Variants in CDKAL1 observed in about 807,000 individuals in gnomAD.
CDKAL1 encodes the protein threonylcarbamoyladenosine tRNA methylthiotransferase.
CDKAL1 carries 32 observed loss-of-function variants against 68.2 expected under a neutral mutation model. The ratio of observed to expected loss-of-function variants is 0.47; its 90% CI spans 0.35 to 0.63. The LOEUF is 0.63. Ranked by LOEUF, CDKAL1 falls within the 30% of genes least tolerant of loss-of-function variation. The probability of loss-of-function intolerance (pLI) is 0.00; values close to 1 mark genes in which losing one functional copy is unlikely to be tolerated. For synonymous variants in CDKAL1, 234 were observed against 244.3 expected, an observed-to-expected ratio of 0.96 and a Z score of 0.39; for missense variants, 606 against 696.7, an observed-to-expected ratio of 0.87 and a Z score of 1.47.
At chr6:20,960,314 G>A (rs1764992153) in intron 10 of CDKAL1, among the ~76,000 whole-genome samples, 1 of 152,116 alleles carries the variant, frequency 6.6e-6, no homozygotes, top group Admixed American at 6.5e-5. Context: ...AGAAGCCATG[G>A]GTTCGAAAGG....
At chr6:20,757,837 T>C (rs1774289573) in intron 6 of CDKAL1, among the ~76,000 whole-genome samples, 1 of 152,248 alleles carries the variant, frequency 6.6e-6, no homozygotes, top group Non-Finnish European at 1.5e-5. Context: ...CTTTGACTTA[T>C]TCTTTTTTTA....
At chr6:20,913,827 A>G (rs1181555452) in intron 9 of CDKAL1, among the ~76,000 whole-genome samples, 3 of 152,180 alleles carry the variant, frequency 2.0e-5, no homozygotes, top group Non-Finnish European at 2.9e-5. Context: ...AAAAATAATA[A>G]TAAATAAAAA....
At chr6:20,886,028 C>T (rs1018810577) in intron 9 of CDKAL1, among the ~76,000 whole-genome samples, 1 of 152,146 alleles carries the variant, frequency 6.6e-6, no homozygotes, top group African/African-American at 2.4e-5. Context: ...CAGAGCAAGA[C>T]GCCATCCCCG....
intron 11 of CDKAL1, among the ~76,000 whole-genome samples, chr6:21,023,727 A>G (rs1020622129): frequency 1.3e-5 from 2 of 152,150 alleles, no homozygotes; most frequent in Admixed American, 6.5e-5. Context: ...GTTTTCATTT[A>G]TCTTAGAACA....
At chr6:20,545,697 C>T (rs995168945) in intron 2 of CDKAL1, among the ~76,000 whole-genome samples, 2 of 152,126 alleles carry the variant, frequency 1.3e-5, no homozygotes, top group Non-Finnish European at 2.9e-5. Context: ...CCCCAAAGTG[C>T]TGGGATTACA....
At chr6:20,957,968 CAAA>C (rs60301451) in intron 10 of CDKAL1, among the ~76,000 whole-genome samples, 2 of 67,386 alleles carry the variant, frequency 3.0e-5, no homozygotes. Flanking sequence ...AAGATTATCT[CAAA>C]AAAAAAAAAA....
chr6:20,913,116 TA>T (rs1762542843), intron 9 of CDKAL1, among the ~76,000 whole-genome samples: 1 of 136,462 alleles, frequency 7.3e-6, no homozygotes, highest in Non-Finnish European at 1.6e-5. Flanking sequence ...CACAGTTGTT[TA>T]CACACACACA....
At chr6:21,171,330 A>G (rs532279814) in intron 13 of CDKAL1, among the ~76,000 whole-genome samples, 12 of 152,258 alleles carry the variant, frequency 7.9e-5, no homozygotes, top group South Asian at 2.1e-4. Context: ...CTCCTGCCTC[A>G]GCCTCCCGAG....
intron 4 of CDKAL1, among the ~76,000 whole-genome samples, chr6:20,600,801 T>TATATATATATACAC (rs1561956386): frequency 3.4e-5 from 5 of 144,982 alleles, no homozygotes; most frequent in African/African-American, 1.3e-4. Flanking sequence ...CACACACACA[T>TATATATATATACAC]GAATGATAAA....
At chr6:20,618,311 T>C (rs1767018467) in intron 4 of CDKAL1, among the ~76,000 whole-genome samples, 1 of 152,244 alleles carries the variant, frequency 6.6e-6, no homozygotes, top group South Asian at 2.1e-4. Context: ...TTCTGGATAT[T>C]AGCCCTTTGT....
chr6:20,582,985 G>A (rs115175908), intron 4 of CDKAL1, among the ~76,000 whole-genome samples: 2,208 of 151,834 alleles, frequency 0.015, 60 homozygotes, highest in African/African-American at 0.051. Context: ...AGAGTAAAAA[G>A]AGGTTCTGGT....
intron 12 of CDKAL1, among the ~76,000 whole-genome samples, chr6:21,090,005 G>T (rs1772913605): frequency 6.6e-6 from 1 of 150,754 alleles, no homozygotes; most frequent in Admixed American, 6.6e-5. Flanking sequence ...ATAGCATGCA[G>T]TGTTAGGGTT....
intron 9 of CDKAL1, among the ~76,000 whole-genome samples, chr6:20,938,756 T>C (rs1329163407): frequency 6.6e-6 from 1 of 152,212 alleles, no homozygotes; most frequent in Non-Finnish European, 1.5e-5. Context: ...CAATTTATTA[T>C]TTTTACAACC....
At chr6:21,196,710 A>T (rs143787535) in intron 13 of CDKAL1, among the ~76,000 whole-genome samples, 4 of 152,234 alleles carry the variant, frequency 2.6e-5, no homozygotes, top group African/African-American at 9.6e-5. Flanking sequence ...ACAAGTCCCT[A>T]CAAATGAGAA....
At chr6:20,722,166 A>G (rs746413058) in intron 5 of CDKAL1, among the ~76,000 whole-genome samples, 1 of 152,156 alleles carries the variant, frequency 6.6e-6, no homozygotes, top group Non-Finnish European at 1.5e-5. Flanking sequence ...ATCTTTAATT[A>G]TGAAGGTCAG....
Position 21,222,197 on chromosome 6 carries a change from A to G in CDKAL1, c.1549-8651A>G, listed in dbSNP as rs184562982. On this transcript the variant is annotated intron_variant, in intron 15 of 15. Transcript: ENST00000274695. ...GTGATATTAAGATTAGACAGTTCGC[A>G]TGTGTATGTATGTGTGTGTTCAAGT... 2.8e-3 allele frequency among the ~76,000 whole-genome samples: 434 copies of G among 152,340 alleles called. 3 individuals are homozygous for G. The highest frequency in any genetic ancestry group is 3.4e-3 in the Non-Finnish European group (233 of 68,032).
At chr6:21,112,140 C>A (rs1012877981) in intron 13 of CDKAL1, among the ~76,000 whole-genome samples, 1 of 151,986 alleles carries the variant, frequency 6.6e-6, no homozygotes. Flanking sequence ...TTATTAAAAC[C>A]ATGCAAATTA....
intron 8 of CDKAL1, among the ~76,000 whole-genome samples, chr6:20,807,671 A>T (rs1258438822): frequency 6.6e-6 from 1 of 152,244 alleles, no homozygotes; most frequent in African/African-American, 2.4e-5. Context: ...AATGGCACTT[A>T]TATGTAAAAC....
chr6:21,057,238 G>T (rs1008972621), intron 11 of CDKAL1, among the ~76,000 whole-genome samples: 3 of 152,014 alleles, frequency 2.0e-5, no homozygotes. Flanking sequence ...GTTCTTCCTT[G>T]TTCACTCTTG....
Sources: allele counts gnomAD v4.1 joint callset (sites outside exome capture counted in the v4.1 genomes callset), GRCh38; gene constraint gnomAD v4.1.1; transcripts MANE v1.5; gene names NCBI Gene and HGNC (gene_info 2026-07-23, HGNC 2026-07-21).